Variants in PCOLCE2 observed in about 807,000 individuals in gnomAD.
PCOLCE2 encodes the protein procollagen C-proteinase enhancer 2.
Under a neutral mutation model 47.0 loss-of-function variants are expected in PCOLCE2, and 42 were observed. The ratio of observed to expected loss-of-function variants is 0.89; its 90% CI spans 0.70 to 1.16. The LOEUF is 1.16. Ranked by LOEUF, PCOLCE2 falls within the 50% of genes most tolerant of loss-of-function variation. The pLI is 0.00. For missense variants in PCOLCE2, 500 were observed against 526.1 expected (o/e 0.95, Z 0.49); for synonymous variants, 169 against 191.7 (o/e 0.88, Z 0.98).
chr3:142,835,951 C>T (rs1232270415), intron 5 of PCOLCE2, among the ~76,000 whole-genome samples: 2 of 152,180 alleles, frequency 1.3e-5, no homozygotes, highest in East Asian at 3.9e-4. Flanking sequence ...CTTTGTCATG[C>T]TTTTGAAAAT....
intron 6 of PCOLCE2, among the ~76,000 whole-genome samples, chr3:142,824,410 T>C (rs1334731518): frequency 6.6e-6 from 1 of 152,100 alleles, no homozygotes; most frequent in African/African-American, 2.4e-5. Flanking sequence ...ATATAAATAG[T>C]GCTGAGGTAG....
At chr3:142,827,712 C>CG in intron 6 of PCOLCE2, 1 of 969,750 alleles carries the variant, frequency 1.0e-6, no homozygotes, top group Non-Finnish European at 1.6e-6. Context: ...GCGCTGTGAC[C>CG]CGAGTTGTGG....
In PCOLCE2 at chr3:142,818,286, T is replaced by C. The variant is rs897880588; in HGVS notation, c.*49A>G. 7.8e-6 allele frequency: 12 copies of C among 1,543,904 alleles called. No individual in the cohort carries two copies. The Admixed American group carries it at 1.0e-4, about 13-fold the overall frequency. On this transcript the variant is annotated 3_prime_UTR_variant, in exon 9 of 9. Transcript: ENST00000295992. The stretch of plus-strand genomic sequence containing the variant: ...TTTTTTTCTACTGAGAGAACATAGA[T>C]CTTTCAAAGGCAATGGCAGAATACA...
intron 2 of PCOLCE2, among the ~76,000 whole-genome samples, chr3:142,873,592 A>T (rs1315983243): frequency 1.3e-5 from 2 of 152,214 alleles, no homozygotes; most frequent in Admixed American, 6.5e-5. Flanking sequence ...AGCATAATAC[A>T]TATTTATATT....
intron 2 of PCOLCE2, among the ~76,000 whole-genome samples, chr3:142,883,598 T>C (rs150358819): frequency 0.039 from 5,921 of 151,840 alleles, 405 homozygotes; most frequent in African/African-American, 0.14. Context: ...TTTGTGTTTT[T>C]AGTAGAGACA....
chr3:142,831,912 T>C (rs944780514), intron 5 of PCOLCE2, among the ~76,000 whole-genome samples: 13 of 152,192 alleles, frequency 8.5e-5, no homozygotes, highest in African/African-American at 2.9e-4. Context: ...AGCTTTAGGA[T>C]AAATGTGACA....
chr3:142,830,110 T>C (rs1351792062), intron 5 of PCOLCE2, among the ~76,000 whole-genome samples: 1 of 152,192 alleles, frequency 6.6e-6, no homozygotes, highest in East Asian at 1.9e-4. Context: ...AAAAGGCAAT[T>C]GAAGTTCAGA....
intron 2 of PCOLCE2, among the ~76,000 whole-genome samples, chr3:142,867,646 C>G (rs1205934492): frequency 6.6e-6 from 1 of 151,226 alleles, no homozygotes; most frequent in East Asian, 1.9e-4. Flanking sequence ...GAAATGACAA[C>G]TAAAATCACA....
At chr3:142,884,415 C>A (rs559669971) in intron 2 of PCOLCE2, among the ~76,000 whole-genome samples, 3 of 152,278 alleles carry the variant, frequency 2.0e-5, no homozygotes, top group South Asian at 4.1e-4. Context: ...TTAACTCATA[C>A]CCACGTCCCC....
chr3:142,826,673 C>T lies in PCOLCE2; in HGVS notation c.865+3019G>A, dbSNP rs1387236449. On this transcript the variant is annotated intron_variant, in intron 6 of 8. Transcript: ENST00000295992. ...TTGCCATGCTCCACACTCCCCTCAG[C>T]ACACACTGTCCGGGTTCTGCTGGCG... 5.3e-5 allele frequency among the ~76,000 whole-genome samples: 8 copies of T among 152,214 alleles called. No homozygotes were observed. In the East Asian group the frequency reaches 1.3e-3, roughly 26 times the overall value.
In PCOLCE2 at chr3:142,887,730, A is replaced by G; in HGVS notation, c.131T>C (p.Ile44Thr). The change falls in exon 2 of 9, where the codon ATT (isoleucine) becomes ACT (threonine). Residue 44 changes from isoleucine to threonine, a missense_variant. Ile to Thr is a moderately conservative substitution (Grantham distance 89). Transcript: ENST00000295992. ...CACTCCAGGAAAACCTTCACTGCCA[A>G]TAAATCCAGACTCTCCAGTAAGAAT... ...GGILTGESGFIGSEGFPGVYP... is the reference protein window; with the variant it reads ...GGILTGESGFTGSEGFPGVYP... 2 of 1,610,226 alleles carry G rather than the reference A, an allele frequency of 1.2e-6. No homozygotes were observed. The highest frequency in any genetic ancestry group is 1.7e-6 in the Non-Finnish European group (2 of 1,176,548).
intron 2 of PCOLCE2, among the ~76,000 whole-genome samples, chr3:142,863,061 G>A (rs1296087343): frequency 2.9e-5 from 4 of 137,802 alleles, no homozygotes; most frequent in East Asian, 2.1e-4. Flanking sequence ...CTTCTCCTAC[G>A]CTGGATGCCT....
chr3:142,848,435 A>G lies in PCOLCE2; in HGVS notation c.230T>C (p.Phe77Ser). 1 of 1,603,970 alleles carries G rather than the reference A, an allele frequency of 6.2e-7. No individual in the cohort carries two copies. Among genetic ancestry groups the G allele is most frequent in the Non-Finnish European group, 8.5e-7 (1 of 1,171,756 alleles). Residue 77 changes from phenylalanine to serine, a missense_variant, in exon 3 of 9, where the codon TTC (phenylalanine) becomes TCC (serine). By Grantham distance (155) the Phe-to-Ser change is radical. Coordinates refer to ENST00000295992, the MANE Select transcript of PCOLCE2 (RefSeq NM_013363.4). The stretch of plus-strand genomic sequence containing the variant: ...CAGGTTGTCACTCTCGAGGTCTATG[A>G]ATCGGAAATTGAGAACGACTACTTT... The part of the protein sequence containing the change: ...EGKVVVLNFR[F>S]IDLESDNLCR...
chr3:142,843,976 T>C (rs1214530851), intron 3 of PCOLCE2, among the ~76,000 whole-genome samples: 2 of 152,170 alleles, frequency 1.3e-5, no homozygotes, highest in African/African-American at 2.4e-5. Context: ...AATGACCTCC[T>C]ACATATCCAT....
At chr3:142,852,574 C>G (rs953269899) in intron 2 of PCOLCE2, among the ~76,000 whole-genome samples, 4 of 151,460 alleles carry the variant, frequency 2.6e-5, no homozygotes, top group Non-Finnish European at 5.9e-5. Context: ...TCATCCCAGG[C>G]CCCATTTCCT....
Position 142,823,532 on chromosome 3 carries a change from CAA to C in PCOLCE2, c.947_948del (p.Phe316CysfsTer68), listed in dbSNP as rs751881241. The C allele has an allele frequency of 6.9e-6, 11 of 1,584,790 alleles. No individual in the cohort carries two copies. Among genetic ancestry groups the C allele is most frequent in the Non-Finnish European group, 9.5e-6 (11 of 1,155,524 alleles). ...AAAAAGACTGGCTTTTATTTCTTACCAAAGTCACTTGAACAATAATTGCCCTC... is the reference window on the plus strand; with the variant it reads ...AAAAAGACTGGCTTTTATTTCTTACCAGTCACTTGAACAATAATTGCCCTC... ...TLEGNYCSSD[F>X]VLAGTVITTI... On this transcript the variant is annotated frameshift_variant and splice_region_variant, in exon 7 of 9. Transcript: ENST00000295992. LOFTEE classifies it high-confidence loss of function.
At chr3:142,839,826 A>G (rs1310662891) in intron 4 of PCOLCE2, among the ~76,000 whole-genome samples, 1 of 152,250 alleles carries the variant, frequency 6.6e-6, no homozygotes, top group Non-Finnish European at 1.5e-5. Flanking sequence ...AGAGAAAAAG[A>G]AAAAGAAAGA....
intron 6 of PCOLCE2, among the ~76,000 whole-genome samples, chr3:142,825,432 G>A (rs1392317192): frequency 6.6e-6 from 1 of 152,010 alleles, no homozygotes. Flanking sequence ...GTGTTCCCGC[G>A]ATCGTTTCTA....
chr3:142,878,437 A>G (rs953787343), intron 2 of PCOLCE2, among the ~76,000 whole-genome samples: 1 of 152,216 alleles, frequency 6.6e-6, no homozygotes, highest in Non-Finnish European at 1.5e-5. Flanking sequence ...ACCGTTGATA[A>G]AGCTGTTAAC....
Sources: allele counts gnomAD v4.1 joint callset (sites outside exome capture counted in the v4.1 genomes callset), GRCh38; gene constraint gnomAD v4.1.1; transcripts MANE v1.5; gene names NCBI Gene and HGNC (gene_info 2026-07-23, HGNC 2026-07-21).